NACC2: variants seen among roughly 807,000 people sequenced by gnomAD.
NACC2 encodes nucleus accumbens-associated protein 2.
Under a neutral mutation model 25.1 loss-of-function variants are expected in NACC2, and 8 were observed. That is an observed-to-expected ratio of 0.32 (90% CI 0.19 to 0.57). NACC2 has a LOEUF of 0.57. Among genes scored for constraint, NACC2 ranks in the 20% least tolerant of loss-of-function variants. NACC2 has a pLI of 0.89. For synonymous variants in NACC2, 435 were observed against 294.7 expected, an observed-to-expected ratio of 1.48 and a Z score of -4.88; for missense variants, 644 against 650.2, an observed-to-expected ratio of 0.99 and a Z score of 0.10.
intron 2 of NACC2, among the ~76,000 whole-genome samples, chr9:136,026,463 A>AAGGAGAGG (rs1380571006): frequency 1.3e-5 from 2 of 152,078 alleles, no homozygotes; most frequent in African/African-American, 2.4e-5. Flanking sequence ...GGAGCCCCAG[A>AAGGAGAGG]AGGAGAGGAG....
chr9:136,016,292 G>A lies in NACC2; in HGVS notation c.1024C>T (p.Pro342Ser), dbSNP rs1049320876. The A allele has an allele frequency of 9.9e-6, 16 of 1,612,954 alleles. No homozygotes were observed. The highest frequency in any genetic ancestry group is 3.3e-5 in the Admixed American group (2 of 60,022). ...GCCACCAGCTCCAGCTTCTCCCCGG[G>A]GTCCCCTTCCGAGTAGAGCTTGGGA... is the stretch of plus-strand genomic sequence containing the variant. ...CHPKLYSEGD[P>S]GEKLELVAGS... is the part of the protein sequence containing the mutation. The change falls in exon 3 of 6, where the codon CCC (proline) becomes TCC (serine). Residue 342 changes from proline (P) to serine (S), a missense_variant. Physicochemically the swap from Pro to Ser is moderately conservative, Grantham distance 74. Coordinates refer to ENST00000277554, the MANE Select transcript of NACC2 (RefSeq NM_144653.5).
At chr9:136,042,052 G>C (rs989832964) in intron 2 of NACC2, among the ~76,000 whole-genome samples, 48 of 152,144 alleles carry the variant, frequency 3.2e-4, no homozygotes, top group African/African-American at 1.0e-3. Context: ...TGGAGTGCAC[G>C]ATCTTGGCTC....
intron 2 of NACC2, among the ~76,000 whole-genome samples, chr9:136,025,036 A>G (rs1840367475): frequency 6.6e-6 from 1 of 152,258 alleles, no homozygotes; most frequent in Admixed American, 6.5e-5. Flanking sequence ...CAAGAAACGA[A>G]AAAAACAAGG....
chr9:136,094,630 G>C (rs1249324828), intron 1 of NACC2, among the ~76,000 whole-genome samples: 1 of 152,158 alleles, frequency 6.6e-6, no homozygotes, highest in Admixed American at 6.5e-5. Context: ...GGCCCGAGTG[G>C]GGGAGGCGCG....
intron 2 of NACC2, among the ~76,000 whole-genome samples, chr9:136,028,529 C>T (rs542403879): frequency 5.6e-4 from 86 of 152,272 alleles, no homozygotes; most frequent in Middle Eastern, 3.4e-3. Flanking sequence ...GTGATGGCAG[C>T]GGTGGCCCGT....
intron 1 of NACC2, among the ~76,000 whole-genome samples, chr9:136,062,759 T>C (rs1208644400): frequency 1.3e-5 from 2 of 151,936 alleles, no homozygotes; most frequent in African/African-American, 4.8e-5. Flanking sequence ...TACAAAAAAA[T>C]ACAAAGACTT....
intron 2 of NACC2, among the ~76,000 whole-genome samples, chr9:136,033,542 C>T (rs747345379): frequency 1.3e-3 from 189 of 145,536 alleles, no homozygotes; most frequent in Admixed American, 4.0e-3. Context: ...CCCAGCTACT[C>T]GGGAGGCTGA....
intron 1 of NACC2, among the ~76,000 whole-genome samples, chr9:136,065,535 G>A (rs1221576817): frequency 6.6e-6 from 1 of 152,226 alleles, no homozygotes; most frequent in East Asian, 1.9e-4. Flanking sequence ...CAGGATAATT[G>A]CTTGAACCTG....
chr9:136,017,325 G>C (rs1164481335), intron 2 of NACC2, among the ~76,000 whole-genome samples: 2 of 152,194 alleles, frequency 1.3e-5, no homozygotes, highest in African/African-American at 4.8e-5. Flanking sequence ...AGGTCCCTGG[G>C]CAGGACTCTC....
intron 2 of NACC2, among the ~76,000 whole-genome samples, chr9:136,021,698 G>A (rs1161468480): frequency 6.6e-6 from 1 of 152,214 alleles, no homozygotes; most frequent in Non-Finnish European, 1.5e-5. Context: ...GCTAGACGCA[G>A]CCCGGATGTC....
Position 136,084,911 on chromosome 9 carries a change from C to T in NACC2, c.-60+10278G>A, listed in dbSNP as rs1166148109. On this transcript the variant is annotated intron_variant, in intron 1 of 5. Coordinates refer to ENST00000277554, the MANE Select transcript of NACC2 (RefSeq NM_144653.5). This position sits in a 1 kb window ranked among gnomAD's most constrained non-coding sequence, Gnocchi z 5.1. The stretch of plus-strand genomic sequence containing the variant: ...TACAGAGACAGGAAGTAGAAAGGTG[C>T]CTGCCAGGGGCTGGGGCAAGGATGG... Among the ~76,000 whole-genome samples, 2 of 152,258 alleles carry T rather than the reference C, an allele frequency of 1.3e-5. No individual in the cohort carries two copies. The highest frequency in any genetic ancestry group is 4.8e-5 in the African/African-American group (2 of 41,544).
chr9:136,080,587 A>G (rs1038878431), intron 1 of NACC2, among the ~76,000 whole-genome samples: 48 of 151,188 alleles, frequency 3.2e-4, no homozygotes, highest in African/African-American at 1.1e-3. Flanking sequence ...CCCTGCTCCA[A>G]TAAAAAAACT....
At position 136,011,642 on chromosome 9, in the gene NACC2, C is replaced by G; in HGVS notation, c.1638G>C (p.Glu546Asp). The part of the protein sequence containing the change: ...GSVIQEVAAP[E>D]PLPADGQSPP... ...GGCTCTGGCCATCGGCGGGCAGCGGCTCGGGGGCGGCCACCTCCTGGATGA... is the reference window on the plus strand; with the variant it reads ...GGCTCTGGCCATCGGCGGGCAGCGGGTCGGGGGCGGCCACCTCCTGGATGA... The change falls in exon 6 of 6, where the codon GAG becomes GAC. Residue 546 changes from glutamate to aspartate, a missense_variant. Transcript: ENST00000277554. The G allele has an allele frequency of 7.1e-7, 1 of 1,403,340 alleles. No homozygotes were observed. Among genetic ancestry groups the G allele is most frequent in the Non-Finnish European group, 9.2e-7 (1 of 1,083,956 alleles). The allele number at this position is 1,403,340 out of a possible 1,614,324, so 86.9% of individuals were successfully genotyped here.
chr9:136,094,952 G>A (rs11103327), intron 1 of NACC2, among the ~76,000 whole-genome samples: 5,609 of 146,628 alleles, frequency 0.038, 321 homozygotes, highest in African/African-American at 0.13. Context: ...CGCCTCCGCC[G>A]GGACCCCCCG....
At chr9:136,059,363 C>G (rs1454954134) in intron 1 of NACC2, among the ~76,000 whole-genome samples, 1 of 152,202 alleles carries the variant, frequency 6.6e-6, no homozygotes, top group East Asian at 1.9e-4. Context: ...CTATGACATG[C>G]CAGCTCAGCA....
At chr9:136,094,027 C>T (rs1401392208) in intron 1 of NACC2, among the ~76,000 whole-genome samples, 1 of 152,188 alleles carries the variant, frequency 6.6e-6, no homozygotes, top group African/African-American at 2.4e-5. Context: ...CAGGAGAGTG[C>T]GGCCGCGCTG....
chr9:136,028,825 G>C (rs1048567339), intron 2 of NACC2, among the ~76,000 whole-genome samples: 6 of 152,198 alleles, frequency 3.9e-5, no homozygotes, highest in African/African-American at 1.4e-4. Flanking sequence ...GACCTGCTCC[G>C]ATTTTGGAGC....
At chr9:136,049,381 C>T (rs1251599936) in intron 2 of NACC2, among the ~76,000 whole-genome samples, 1 of 152,198 alleles carries the variant, frequency 6.6e-6, no homozygotes, top group African/African-American at 2.4e-5. Context: ...CCACGGGACA[C>T]CTGCGTTTCC....
At chr9:136,025,216 G>A (rs567177986) in intron 2 of NACC2, among the ~76,000 whole-genome samples, 1 of 152,290 alleles carries the variant, frequency 6.6e-6, no homozygotes, top group Admixed American at 6.5e-5. Flanking sequence ...GAGAATGTGG[G>A]CACGGGCGCT....
Sources: gnomAD v4.1 joint callset for allele counts (sites outside exome capture counted in the v4.1 genomes callset) on GRCh38, gnomAD v4.1.1 for gene constraint, Gnocchi (gnomAD v3.1) non-coding constraint, MANE v1.5 for transcripts, NCBI Gene and HGNC (gene_info 2026-07-23, HGNC 2026-07-21) for gene names.